Variants in CYB5R3 observed in about 807,000 individuals in gnomAD.
CYB5R3 encodes cytochrome b5 reductase 3.
CYB5R3 carries 28 observed loss-of-function variants against 36.5 expected under a neutral mutation model. That is an observed-to-expected ratio of 0.77 (90% CI 0.57 to 1.05). CYB5R3 has a LOEUF of 1.05. Ranked by LOEUF, CYB5R3 falls within the 50% of genes least tolerant of loss-of-function variation. CYB5R3 has a pLI of 0.00. For synonymous variants in CYB5R3, 181 were observed against 159.8 expected, an observed-to-expected ratio of 1.13 and a Z score of -1.00; for missense variants, 474 against 408.9, an observed-to-expected ratio of 1.16 and a Z score of -1.37.
At chr22:42,644,676 C>G in intron 1 of CYB5R3, 2 of 985,368 alleles carry the variant, frequency 2.0e-6, no homozygotes, top group Non-Finnish European at 2.4e-6. Context: ...GTCACAGAAA[C>G]CACGCCCACG....
intron 1 of CYB5R3, among the ~76,000 whole-genome samples, chr22:42,644,918 C>G (rs1455753945): frequency 6.6e-6 from 1 of 152,264 alleles, no homozygotes; most frequent in Non-Finnish European, 1.5e-5. Context: ...TCCTCCCCGG[C>G]CCTCCCACAG....
chr22:42,646,292 A>G (rs887382163), intron 1 of CYB5R3, among the ~76,000 whole-genome samples: 1 of 152,122 alleles, frequency 6.6e-6, no homozygotes, highest in Non-Finnish European at 1.5e-5. Flanking sequence ...CCCCTGACCT[A>G]ATGCCCACAA....
At chr22:42,637,643 C>T (rs927981628) in intron 1 of CYB5R3, among the ~76,000 whole-genome samples, 2 of 152,148 alleles carry the variant, frequency 1.3e-5, no homozygotes, top group African/African-American at 4.8e-5. Context: ...AGAGCTGAGA[C>T]CCTACAGCTC....
At chr22:42,640,327 C>A in intron 1 of CYB5R3, 1 of 1,418,350 alleles carries the variant, frequency 7.1e-7, no homozygotes, top group South Asian at 1.3e-5. Flanking sequence ...AGGTCACCCC[C>A]CGGAAGGACC....
Position 42,628,133 on chromosome 22 carries a change from G to A in CYB5R3, c.463+19C>T. On this transcript the variant is annotated intron_variant, in intron 5 of 8. Transcript: ENST00000352397. ...TCTCTGAGCCTGCCGTGTAACCAAG[G>A]GATTCCGACCCGAATCACCTTTGCC... is the stretch of plus-strand genomic sequence containing the variant. The A allele has an allele frequency of 6.2e-7, 1 of 1,613,690 alleles. No homozygotes were observed.
chr22:42,643,193 G>C (rs1172640096), intron 1 of CYB5R3, among the ~76,000 whole-genome samples: 3 of 152,180 alleles, frequency 2.0e-5, no homozygotes, highest in Non-Finnish European at 4.4e-5. Context: ...ATTTGAGGAG[G>C]ACGCTCTGGT....
At chr22:42,646,556 G>T in intron 1 of CYB5R3, 2 of 720,870 alleles carry the variant, frequency 2.8e-6, no homozygotes, top group Non-Finnish European at 3.4e-6. Context: ...AGCTGCCAGG[G>T]CCCCCGACCT....
chr22:42,637,548 C>A (rs1270570021), intron 1 of CYB5R3, among the ~76,000 whole-genome samples: 1 of 152,176 alleles, frequency 6.6e-6, no homozygotes, highest in Non-Finnish European at 1.5e-5. Flanking sequence ...CTGAGCCAGG[C>A]ACTGGGAAGG....
rs535595331 is a variant in CYB5R3, at chr22:42,639,814, T to C, written c.22-2968A>G. On this transcript the variant is annotated intron_variant, in intron 1 of 8. Transcript: ENST00000352397. ...TTCAAAATATAGACACAGTTGACCC[T>C]TGAACATGGGTTGGAACTGCTTGAT... 3.4e-5 allele frequency: 32 copies of C among 928,736 alleles called. 2 individuals carry two copies. The South Asian group carries it at 5.0e-4, about 14-fold the overall frequency. 57.5% of individuals were successfully genotyped at this position (928,736 alleles called of 1,614,324 possible). A position where few individuals can be genotyped will look rare whatever the true frequency, so the allele number is the denominator to read the frequency against.
rs578191102 is a variant in CYB5R3 at position 42,642,997 on chromosome 22, C to T, written c.22-6151G>A. Among the ~76,000 whole-genome samples, 8 of 152,344 alleles carry T rather than the reference C, an allele frequency of 5.3e-5. No homozygotes were observed. In the Middle Eastern group the frequency reaches 0.01, roughly 194 times the overall value. The stretch of plus-strand genomic sequence containing the variant: ...AGCTGAGAAACAAGTTCCTTGCATG[C>T]GTGCAGGCCTCTCTACTTGCTTTGT... On this transcript the variant is annotated intron_variant, in intron 1 of 8. Coordinates refer to ENST00000352397, the MANE Select transcript of CYB5R3 (RefSeq NM_000398.7).
chr22:42,646,647 C>CCTGA, intron 1 of CYB5R3: 1 of 985,626 alleles, frequency 1.0e-6, no homozygotes, highest in Non-Finnish European at 1.2e-6. Flanking sequence ...TTACCTGTCC[C>CCTGA]CTGCCTGCCC....
chr22:42,636,932 C>G (rs1197884851), intron 1 of CYB5R3, 86 bp from the exon 2 acceptor site: 2 of 1,543,586 alleles, frequency 1.3e-6, no homozygotes, highest in Admixed American at 1.9e-5. Flanking sequence ...GGCCTCTGCT[C>G]ACGCTGCCCC....
intron 2 of CYB5R3, chr22:42,631,834 A>G: frequency 3.3e-6 from 1 of 298,658 alleles, no homozygotes; most frequent in South Asian, 3.5e-5. Context: ...CTGGATGGGC[A>G]AACTGGGGCA....
chr22:42,637,045 T>A (rs565321623), intron 1 of CYB5R3, among the ~76,000 whole-genome samples, 199 bp from the exon 2 acceptor site: 3 of 152,318 alleles, frequency 2.0e-5, no homozygotes. Flanking sequence ...TCATGACACC[T>A]GTCACTGAGC....
intron 1 of CYB5R3, among the ~76,000 whole-genome samples, chr22:42,648,945 C>T (rs1438308584): frequency 1.3e-5 from 2 of 152,330 alleles, no homozygotes; most frequent in East Asian, 1.9e-4. Context: ...CGCTCACACA[C>T]TCACACTCAG....
intron 8 of CYB5R3, among the ~76,000 whole-genome samples, chr22:42,620,538 T>C (rs1251239069): frequency 2.6e-5 from 4 of 152,088 alleles, no homozygotes; most frequent in Non-Finnish European, 5.9e-5. Context: ...CACGATGATA[T>C]GGCTGGTCTC....
chr22:42,646,219 ACT>A (rs1308845720), intron 1 of CYB5R3, among the ~76,000 whole-genome samples: 1 of 151,932 alleles, frequency 6.6e-6, no homozygotes, highest in Non-Finnish European at 1.5e-5. Flanking sequence ...TCACACACAC[ACT>A]CACACACACA....
intron 8 of CYB5R3, among the ~76,000 whole-genome samples, chr22:42,620,454 C>T (rs1179120036): frequency 6.6e-6 from 1 of 152,110 alleles, no homozygotes; most frequent in Non-Finnish European, 1.5e-5. Context: ...CTGTGACTCC[C>T]CAAGAATGTC....
chr22:42,632,289 T>C (rs2146885846), intron 2 of CYB5R3: 1 of 152,392 alleles, frequency 6.6e-6, no homozygotes, highest in African/African-American at 2.4e-5. Flanking sequence ...GAAGAAGCCA[T>C]GCGGAAGGTC....
Sources: allele counts gnomAD v4.1 joint callset (sites outside exome capture counted in the v4.1 genomes callset), GRCh38; gene constraint gnomAD v4.1.1; transcripts MANE v1.5; gene names NCBI Gene and HGNC (gene_info 2026-07-23, HGNC 2026-07-21).